Variants in SLC4A5 observed in about 807,000 individuals in gnomAD.
SLC4A5 encodes electrogenic sodium bicarbonate cotransporter 4.
A neutral mutation model predicts 120.4 loss-of-function variants in SLC4A5; 96 were observed. That is an observed-to-expected ratio of 0.80 (90% CI 0.68 to 0.94). The LOEUF (loss-of-function observed/expected upper bound fraction) is 0.94, where lower values mean the gene tolerates loss of function less well. Ranked by LOEUF, SLC4A5 falls within the 40% of genes least tolerant of loss-of-function variation. The pLI, the probability that SLC4A5 is intolerant of heterozygous loss-of-function variation, is 0.00. For synonymous variants in SLC4A5, 550 were observed against 571.1 expected (o/e 0.96, Z 0.53); for missense variants, 1,259 against 1,459.5 (o/e 0.86, Z 2.24).
chr2:74,319,468 T>C (rs1365980873), intron 5 of SLC4A5: 2 of 152,150 alleles, frequency 1.3e-5, no homozygotes, highest in Non-Finnish European at 2.9e-5. Context: ...TGTACAAAGA[T>C]TACAAAACAA....
At chr2:74,220,580 G>GCA (rs1261268954) in intron 30 of SLC4A5, among the ~76,000 whole-genome samples, 5 of 151,652 alleles carry the variant, frequency 3.3e-5, no homozygotes, top group South Asian at 2.1e-4. Flanking sequence ...GCAGTGGCGT[G>GCA]ATCTCGGCTC....
intron 8 of SLC4A5, among the ~76,000 whole-genome samples, chr2:74,276,470 G>A (rs543539938): frequency 6.6e-6 from 1 of 152,296 alleles, no homozygotes; most frequent in Admixed American, 6.5e-5. Flanking sequence ...AGGGATTGAT[G>A]TAGTGCTGCA....
At chr2:74,338,417 A>C (rs1259698167) in intron 3 of SLC4A5, among the ~76,000 whole-genome samples, 1 of 152,238 alleles carries the variant, frequency 6.6e-6, no homozygotes, top group Non-Finnish European at 1.5e-5. Flanking sequence ...GAAATTTTTC[A>C]ACAGTGAGAG....
At chr2:74,269,378 T>G (rs137877319) in intron 8 of SLC4A5, among the ~76,000 whole-genome samples, 4 of 150,860 alleles carry the variant, frequency 2.7e-5, no homozygotes, top group Non-Finnish European at 4.4e-5. Context: ...GCTGTTTGTT[T>G]TTTGTTTGTT....
chr2:74,256,726 G>T (rs575248283), intron 12 of SLC4A5, among the ~76,000 whole-genome samples: 1 of 152,214 alleles, frequency 6.6e-6, no homozygotes, highest in Non-Finnish European at 1.5e-5. Context: ...CCCAGGGATG[G>T]TTACTTTCAA....
intron 7 of SLC4A5, among the ~76,000 whole-genome samples, chr2:74,294,711 C>T (rs1276242040): frequency 4.0e-5 from 6 of 149,572 alleles, no homozygotes; most frequent in South Asian, 2.1e-4. Context: ...CACAGTCTTG[C>T]TCTGTCGCCC....
chr2:74,222,076 G>C (rs1021804917), intron 29 of SLC4A5, among the ~76,000 whole-genome samples: 2 of 152,162 alleles, frequency 1.3e-5, no homozygotes, highest in Non-Finnish European at 1.5e-5. Context: ...GATTCACACA[G>C]AGGCACAGCA....
chr2:74,296,294 G>C (rs1672322642), intron 7 of SLC4A5, among the ~76,000 whole-genome samples: 1 of 152,056 alleles, frequency 6.6e-6, no homozygotes, highest in Admixed American at 6.5e-5. Context: ...TCCTTCCCCA[G>C]CCCCAGGGTT....
chr2:74,287,214 T>C (rs1672012614), intron 7 of SLC4A5, among the ~76,000 whole-genome samples: 1 of 152,180 alleles, frequency 6.6e-6, no homozygotes, highest in Non-Finnish European at 1.5e-5. Context: ...CCTCCATTCT[T>C]TCCCCTTGAC....
intron 5 of SLC4A5, among the ~76,000 whole-genome samples, chr2:74,316,122 T>C (rs1672957048): frequency 6.6e-6 from 1 of 151,614 alleles, no homozygotes; most frequent in Admixed American, 6.6e-5. Context: ...GGACAATCTG[T>C]TTCTGGAACT....
At chr2:74,324,436 G>A (rs923602818) in intron 5 of SLC4A5, among the ~76,000 whole-genome samples, 1 of 152,142 alleles carries the variant, frequency 6.6e-6, no homozygotes, top group Non-Finnish European at 1.5e-5. Flanking sequence ...TGTTAAAATA[G>A]ATTGCTGGGT....
chr2:74,334,774 C>T (rs1004549538), intron 3 of SLC4A5, among the ~76,000 whole-genome samples: 8 of 151,796 alleles, frequency 5.3e-5, no homozygotes, highest in East Asian at 1.9e-4. Context: ...AAAAAAAATG[C>T]GAATAATAAT....
At chr2:74,246,903 T>C in intron 19 of SLC4A5, 133 bp downstream of exon 19, 1 of 1,182,460 alleles carries the variant, frequency 8.5e-7, no homozygotes. Flanking sequence ...AGACCCTGTA[T>C]TTGCTCTCTT....
At chr2:74,312,408 G>C (rs1013647891) in intron 6 of SLC4A5, among the ~76,000 whole-genome samples, 7 of 151,818 alleles carry the variant, frequency 4.6e-5, no homozygotes, top group African/African-American at 1.7e-4. Flanking sequence ...TTATGTATTT[G>C]TAGTAGAGAC....
intron 7 of SLC4A5, among the ~76,000 whole-genome samples, chr2:74,291,499 C>T (rs1672172129): frequency 6.6e-6 from 1 of 152,202 alleles, no homozygotes; most frequent in African/African-American, 2.4e-5. Context: ...CCCCATAGGC[C>T]CCCTAGGCCC....
chr2:74,280,421 G>GA (rs1212507140), intron 8 of SLC4A5, among the ~76,000 whole-genome samples: 1 of 152,206 alleles, frequency 6.6e-6, no homozygotes, highest in Non-Finnish European at 1.5e-5. Flanking sequence ...GAGAGCCCAA[G>GA]AGAGCAGGGG....
exon 6 of SLC4A5, chr2:74,315,017 C>G (rs1159686203): frequency 6.2e-7 from 1 of 1,613,374 alleles, no homozygotes; most frequent in Non-Finnish European, 8.5e-7. Context: ...TCCTCCTTCA[C>G]CTTCATGACT....
chr2:74,280,686 T>A lies in SLC4A5; in HGVS notation c.401+5087A>T, dbSNP rs780591871. On this transcript the variant is annotated intron_variant, in intron 8 of 30. Transcript: ENST00000394019. The stretch of plus-strand genomic sequence containing the variant: ...GATGTTAAGAGGGCATTATACAGGA[T>A]TTTTTTTTTTTTTTTGAGACAGAGT... Among the ~76,000 whole-genome samples, 140 of 69,096 alleles carry A rather than the reference T, an allele frequency of 2.0e-3. 1 individual carries two copies. Among genetic ancestry groups the A allele is most frequent in the Non-Finnish European group, 1.5e-3 (63 of 43,252 alleles). The allele number at this position is 69,096 out of a possible 152,430, so 45.3% of individuals were successfully genotyped here. A position where few individuals can be genotyped will look rare whatever the true frequency, so the allele number is the denominator to read the frequency against.
intron 12 of SLC4A5, among the ~76,000 whole-genome samples, chr2:74,257,744 A>G (rs1057306816): frequency 7.9e-5 from 12 of 151,954 alleles, no homozygotes; most frequent in South Asian, 2.1e-4. Flanking sequence ...CGCCCGGCTA[A>G]TTTTTGTATT....
Sources: gnomAD v4.1 joint callset for allele counts (sites outside exome capture counted in the v4.1 genomes callset) on GRCh38, gnomAD v4.1.1 for gene constraint, MANE v1.5 for transcripts, NCBI Gene and HGNC (gene_info 2026-07-23, HGNC 2026-07-21) for gene names.